CFLAR: variants seen among roughly 807,000 people sequenced by gnomAD.
CFLAR encodes CASP8 and FADD like apoptosis regulator, also known as CASP8 and FADD-like apoptosis regulator.
Under a neutral mutation model 51.1 loss-of-function variants are expected in CFLAR, and 14 were observed. The ratio of observed to expected loss-of-function variants is 0.27; its 90% CI spans 0.18 to 0.43. CFLAR has a LOEUF of 0.43. Ranked by LOEUF, CFLAR falls within the 20% of genes least tolerant of loss-of-function variation. The pLI, the probability that CFLAR is intolerant of heterozygous loss-of-function variation, is 1.00. For synonymous variants in CFLAR, 210 were observed against 211.6 expected, an observed-to-expected ratio of 0.99 and a Z score of 0.06; for missense variants, 390 against 566.5, an observed-to-expected ratio of 0.69 and a Z score of 3.16.
chr2:201,137,335 G>A (rs897843354), intron 4 of CFLAR: 1 of 334,318 alleles, frequency 3.0e-6, no homozygotes, highest in African/African-American at 2.1e-5. Context: ...TCCTGACTCT[G>A]CAGGGGATGC....
At chr2:201,163,807 TA>T (rs756550377) in intron 9 of CFLAR, 27 bp from the exon 10 acceptor site, 1 of 1,596,138 alleles carries the variant, frequency 6.3e-7, no homozygotes, top group Non-Finnish European at 8.5e-7. Flanking sequence ...TGCATGGCAT[TA>T]AATTTTGCCT....
chr2:201,143,787 C>A (rs1365719851), intron 5 of CFLAR, among the ~76,000 whole-genome samples: 1 of 151,828 alleles, frequency 6.6e-6, no homozygotes, highest in Non-Finnish European at 1.5e-5. Context: ...GATGGTGAAA[C>A]CCTGTCTCTA....
At chr2:201,131,176 T>C (rs2049272587) in intron 2 of CFLAR, among the ~76,000 whole-genome samples, 1 of 152,172 alleles carries the variant, frequency 6.6e-6, no homozygotes, top group African/African-American at 2.4e-5. Flanking sequence ...CAGAGGGGCA[T>C]GGAAGCTACT....
intron 8 of CFLAR, 159 bp downstream of exon 8, chr2:201,149,994 C>T: frequency 1.7e-6 from 1 of 579,122 alleles, no homozygotes; most frequent in Non-Finnish European, 3.1e-6. Flanking sequence ...GGAATTCCAG[C>T]ACTTTGTGAG....
Position 201,138,102 on chromosome 2 carries a change from G to A in CFLAR, c.523+1995G>A. 2 of 753,798 alleles carry A rather than the reference G, an allele frequency of 2.7e-6. No individual in the cohort carries two copies. Among genetic ancestry groups the A allele is most frequent in the Non-Finnish European group, 4.9e-6 (2 of 406,300 alleles). 46.7% of individuals were successfully genotyped at this position (753,798 alleles called of 1,614,324 possible). ...GCCGCGCAGTCCATGCCCCTGCCCA[G>A]CCCATCCACACCAGCGTCAATCAGG... On this transcript the variant is annotated intron_variant, in intron 4 of 9. Coordinates refer to ENST00000309955, the MANE Select transcript of CFLAR (RefSeq NM_003879.7). This position sits in a 1 kb window ranked among gnomAD's most constrained non-coding sequence, Gnocchi z 4.0.
chr2:201,158,435 G>T (rs1227459842), intron 8 of CFLAR, among the ~76,000 whole-genome samples: 5 of 152,240 alleles, frequency 3.3e-5, no homozygotes, highest in African/African-American at 1.2e-4. Context: ...ACATTTATCA[G>T]TGAAGAGAGG....
At chr2:201,151,303 C>T (rs1363095729) in intron 8 of CFLAR, 1 of 152,158 alleles carries the variant, frequency 6.6e-6, no homozygotes, top group African/African-American at 2.4e-5. Flanking sequence ...AGTGGAATGA[C>T]ATTCTGTTTA....
At chr2:201,135,905 G>A in intron 3 of CFLAR, 67 bp from the exon 4 acceptor site, 2 of 1,560,836 alleles carry the variant, frequency 1.3e-6, no homozygotes, top group Non-Finnish European at 1.7e-6. Context: ...GGGATTACAG[G>A]TATGAACTTC....
At chr2:201,137,031 G>T (rs920328749) in intron 4 of CFLAR, 6 of 176,324 alleles carry the variant, frequency 3.4e-5, no homozygotes, top group African/African-American at 1.4e-4. Context: ...CCCAGAGCTG[G>T]GGAAGGGGGC....
chr2:201,135,581 C>G (rs2049990506), intron 3 of CFLAR, among the ~76,000 whole-genome samples: 2 of 152,238 alleles, frequency 1.3e-5, no homozygotes, highest in Non-Finnish European at 2.9e-5. Context: ...CATTTTCTTA[C>G]TGCTATAAAT....
chr2:201,148,646 CAT>C (rs1315442837), intron 6 of CFLAR: 5 of 229,606 alleles, frequency 2.2e-5, no homozygotes, highest in Admixed American at 5.0e-5. Context: ...AGTTTCAGCA[CAT>C]ATAGGAAAGC....
Position 201,167,212 on chromosome 2 carries a change from C to G in CFLAR, c.*3239C>G, listed in dbSNP as rs912322200. On this transcript the variant is annotated 3_prime_UTR_variant, in exon 10 of 10. Coordinates refer to ENST00000309955, the MANE Select transcript of CFLAR (RefSeq NM_003879.7). Reference sequence around the variant, plus strand: ...AACAACAAGCAATTATTCCTACTTTCCAAGTTATTTTGATGCCATGGTGGC... The same window carrying G: ...AACAACAAGCAATTATTCCTACTTTGCAAGTTATTTTGATGCCATGGTGGC... 6.6e-6 allele frequency: 1 copy of G among 152,064 alleles called. No individual in the cohort carries two copies. Among genetic ancestry groups the G allele is most frequent in the African/African-American group, 2.4e-5 (1 of 41,406 alleles). 9.4% of individuals were successfully genotyped at this position (152,064 alleles called of 1,614,324 possible).
chr2:201,121,353 GC>G (rs572370213), intron 1 of CFLAR, among the ~76,000 whole-genome samples: 66 of 152,278 alleles, frequency 4.3e-4, no homozygotes, highest in African/African-American at 1.3e-3. Flanking sequence ...CTGTAAACGT[GC>G]TGGCTATCAT....
intron 8 of CFLAR, among the ~76,000 whole-genome samples, chr2:201,152,035 G>A (rs1941365148): frequency 6.6e-6 from 1 of 151,372 alleles, no homozygotes; most frequent in South Asian, 2.1e-4. Context: ...TGCCCATGCT[G>A]GAGGGCCATG....
At chr2:201,158,744 C>T (rs1220653927) in intron 8 of CFLAR, among the ~76,000 whole-genome samples, 1 of 151,954 alleles carries the variant, frequency 6.6e-6, no homozygotes, top group Non-Finnish European at 1.5e-5. Flanking sequence ...AAAGGGTATA[C>T]ACATTTAAAA....
intron 5 of CFLAR, 100 bp downstream of exon 5, chr2:201,140,539 GA>G: frequency 2.3e-6 from 2 of 854,880 alleles, no homozygotes; most frequent in Non-Finnish European, 3.6e-6. Context: ...TTTAATATCT[GA>G]AAAAATTGTG....
intron 5 of CFLAR, chr2:201,141,782 T>C (rs1403343772): frequency 5.5e-6 from 2 of 364,018 alleles, no homozygotes; most frequent in Non-Finnish European, 7.8e-6. Flanking sequence ...AGTTAATCTT[T>C]TATCTTGAGA....
chr2:201,149,458 C>G (rs1369542965), intron 7 of CFLAR: 2 of 301,320 alleles, frequency 6.6e-6, no homozygotes, highest in East Asian at 7.1e-5. Flanking sequence ...GGAGACAAAT[C>G]ACTCATGTTT....
rs1944105956 is a variant in CFLAR at position 201,173,138 on chromosome 2, TCTC to T, written c.*9168_*9170del. The stretch of plus-strand genomic sequence containing the variant: ...CCTCTGCCTTCTGGGTTCAAGCCAT[TCTC>T]CTGCCTCAGCCTCCCTAGTAGTTGG... On this transcript the variant is annotated 3_prime_UTR_variant, in exon 10 of 10. Coordinates refer to ENST00000309955, the MANE Select transcript of CFLAR (RefSeq NM_003879.7). The T allele has an allele frequency of 6.6e-6, 1 of 152,214 alleles. No individual in the cohort carries two copies. The highest frequency in any genetic ancestry group is 2.1e-4 in the South Asian group (1 of 4,828). The allele number at this position is 152,214 out of a possible 1,614,324, so 9.4% of individuals were successfully genotyped here.
Sources: gnomAD v4.1 joint callset for allele counts (sites outside exome capture counted in the v4.1 genomes callset) on GRCh38, gnomAD v4.1.1 for gene constraint, Gnocchi (gnomAD v3.1) non-coding constraint, MANE v1.5 for transcripts, NCBI Gene and HGNC (gene_info 2026-07-23, HGNC 2026-07-21) for gene names.